Variants in PPM1H observed in about 807,000 individuals in gnomAD.
PPM1H encodes protein phosphatase, Mg2+/Mn2+ dependent 1H.
In PPM1H, 27 loss-of-function variants were observed where a neutral mutation model predicts 54.9. The ratio of observed to expected loss-of-function variants is 0.49; its 90% CI spans 0.36 to 0.68. The LOEUF is 0.68. PPM1H is among the 30% of genes least tolerant of loss of function. The pLI, the probability that PPM1H is intolerant of heterozygous loss-of-function variation, is 0.00. For synonymous variants in PPM1H, 305 were observed against 270.8 expected (o/e 1.13, Z -1.24); for missense variants, 596 against 667.8 (o/e 0.89, Z 1.19).
At chr12:62,805,823 C>A (rs1308634285) in intron 2 of PPM1H, among the ~76,000 whole-genome samples, 3 of 152,078 alleles carry the variant, frequency 2.0e-5, no homozygotes, top group Admixed American at 6.5e-5. Flanking sequence ...CTTGAAATTA[C>A]CTGAGAGAGT....
chr12:62,903,821 T>C (rs1190111606), intron 1 of PPM1H, among the ~76,000 whole-genome samples: 1 of 152,110 alleles, frequency 6.6e-6, no homozygotes, highest in East Asian at 1.9e-4. Context: ...AGTCAAAATA[T>C]ATTTGTAAGG....
chr12:62,830,040 T>A (rs1354874375), intron 2 of PPM1H, among the ~76,000 whole-genome samples: 1 of 152,172 alleles, frequency 6.6e-6, no homozygotes, highest in East Asian at 1.9e-4. Context: ...AATTGTGTAA[T>A]CTCTAATTCA....
chr12:62,888,812 C>CA (rs898586248), intron 1 of PPM1H, among the ~76,000 whole-genome samples: 13 of 152,246 alleles, frequency 8.5e-5, no homozygotes, highest in African/African-American at 2.6e-4. Flanking sequence ...ATTTGATCCC[C>CA]ACAATTAAGT....
At chr12:62,756,100 C>T (rs1322088221) in intron 4 of PPM1H, 6 of 943,122 alleles carry the variant, frequency 6.4e-6, no homozygotes, top group Non-Finnish European at 8.6e-6. Context: ...GACATCCACT[C>T]TTCAACCTTT....
intron 5 of PPM1H, among the ~76,000 whole-genome samples, chr12:62,734,596 A>G (rs1164641345): frequency 2.0e-5 from 3 of 152,216 alleles, no homozygotes; most frequent in Non-Finnish European, 4.4e-5. Flanking sequence ...CAGCATTCCT[A>G]TACTTCCCCC....
chr12:62,779,646 C>A (rs2076630295), intron 4 of PPM1H, among the ~76,000 whole-genome samples: 1 of 152,196 alleles, frequency 6.6e-6, no homozygotes, highest in Non-Finnish European at 1.5e-5. Context: ...ACACTCAGTA[C>A]AGAAAACATG....
chr12:62,726,799 G>A (rs2076292265), intron 5 of PPM1H, among the ~76,000 whole-genome samples: 1 of 152,188 alleles, frequency 6.6e-6, no homozygotes, highest in African/African-American at 2.4e-5. Context: ...CATTGCTCAA[G>A]TCAGCATTCT....
intron 2 of PPM1H, among the ~76,000 whole-genome samples, chr12:62,817,342 G>A (rs1398644837): frequency 1.3e-5 from 2 of 151,270 alleles, no homozygotes; most frequent in Admixed American, 6.6e-5. Flanking sequence ...GGCGCCTGTA[G>A]TCCCAGCTAC....
At chr12:62,929,668 C>T (rs2121189174) in intron 1 of PPM1H, among the ~76,000 whole-genome samples, 1 of 152,220 alleles carries the variant, frequency 6.6e-6, no homozygotes, top group Middle Eastern at 3.4e-3. Context: ...TTGAAAGAAG[C>T]TGATGCATTT....
intron 8 of PPM1H, among the ~76,000 whole-genome samples, chr12:62,683,033 T>TTATTTA (rs1555188730): frequency 1.5e-5 from 2 of 133,674 alleles, no homozygotes; most frequent in Non-Finnish European, 3.3e-5. Flanking sequence ...GAGTTTATTA[T>TTATTTA]TTATTATTAT....
chr12:62,814,302 G>A (rs575625206), intron 2 of PPM1H, among the ~76,000 whole-genome samples: 3 of 152,120 alleles, frequency 2.0e-5, no homozygotes, highest in East Asian at 1.9e-4. Context: ...AAGCTAGTCT[G>A]GAACTCCTGG....
chr12:62,873,791 G>C (rs531207885), intron 1 of PPM1H, among the ~76,000 whole-genome samples: 49 of 152,342 alleles, frequency 3.2e-4, no homozygotes, highest in African/African-American at 1.1e-3. Context: ...TTGCCAGTTT[G>C]TGAGGACAAA....
At chr12:62,734,559 C>T (rs1353604293) in intron 5 of PPM1H, among the ~76,000 whole-genome samples, 4 of 152,164 alleles carry the variant, frequency 2.6e-5, no homozygotes, top group African/African-American at 9.7e-5. Context: ...CAAAATATAC[C>T]GCTGACATTT....
rs150533241 is a variant in PPM1H at position 62,765,136 on chromosome 12, G to A, written c.869+23090C>T. Among the ~76,000 whole-genome samples the A allele has an allele frequency of 2.5e-3, 382 of 152,344 alleles. 1 individual carries two copies. The highest frequency in any genetic ancestry group is 3.8e-3 in the Non-Finnish European group (261 of 68,038). ...CTGGACTGGTATAGGACAGAGCTGA[G>A]AGAGGGAACCAGGGTCTGTTGCTGA... is the stretch of plus-strand genomic sequence containing the variant. On this transcript the variant is annotated intron_variant, in intron 4 of 9. Coordinates refer to ENST00000228705, the MANE Select transcript of PPM1H (RefSeq NM_020700.2).
chr12:62,799,306 A>AT (rs1377885162), intron 3 of PPM1H, among the ~76,000 whole-genome samples: 12 of 152,206 alleles, frequency 7.9e-5, no homozygotes, highest in Non-Finnish European at 1.8e-4. Context: ...TCCTGAGTCA[A>AT]TGTGACATTG....
chr12:62,710,692 G>A (rs184127140), intron 6 of PPM1H, among the ~76,000 whole-genome samples: 1 of 152,268 alleles, frequency 6.6e-6, no homozygotes, highest in Admixed American at 6.5e-5. Flanking sequence ...ATCTTCATCT[G>A]CCATGCTGCA....
intron 1 of PPM1H, among the ~76,000 whole-genome samples, chr12:62,925,618 G>A (rs1565831302): frequency 6.6e-6 from 1 of 152,162 alleles, no homozygotes; most frequent in Non-Finnish European, 1.5e-5. Context: ...GCAGAGCTCT[G>A]GTGTGTCATG....
rs190966531 is a variant in PPM1H, at chr12:62,752,337, A to T, written c.870-14751T>A. Among the ~76,000 whole-genome samples the T allele has an allele frequency of 7.2e-5, 11 of 152,336 alleles. No homozygotes were observed. In the East Asian group the frequency reaches 2.1e-3, roughly 29 times the overall value. ...GTAATGATAAATGTCTACAAATGGG[A>T]TCTTAAGGAACTGTATGAAAGAAAA... On this transcript the variant is annotated intron_variant, in intron 4 of 9. Coordinates refer to ENST00000228705, the MANE Select transcript of PPM1H (RefSeq NM_020700.2).
intron 4 of PPM1H, 147 bp from the exon 5 acceptor site, chr12:62,737,733 C>A (rs1463309584): frequency 3.7e-6 from 2 of 544,980 alleles, no homozygotes; most frequent in Admixed American, 3.6e-5. Context: ...GTTCCCAGCT[C>A]TGAATCCCTC....
Sources: allele counts gnomAD v4.1 joint callset (sites outside exome capture counted in the v4.1 genomes callset), GRCh38; gene constraint gnomAD v4.1.1; transcripts MANE v1.5; gene names NCBI Gene and HGNC (gene_info 2026-07-23, HGNC 2026-07-21).